Variants in PRSS12 observed in about 807,000 individuals in gnomAD.
PRSS12 encodes the protein neurotrypsin.
A neutral mutation model predicts 104.4 loss-of-function variants in PRSS12; 85 were observed. The ratio of observed to expected loss-of-function variants is 0.81; its 90% CI spans 0.68 to 0.98. The LOEUF (loss-of-function observed/expected upper bound fraction) is 0.98. PRSS12 is among the 50% of genes least tolerant of loss of function. PRSS12 has a pLI of 0.00. For synonymous variants in PRSS12, 454 were observed against 425.2 expected (o/e 1.07, Z -0.83); for missense variants, 1,141 against 1,139.2 (o/e 1.00, Z -0.02).
intron 1 of PRSS12, among the ~76,000 whole-genome samples, chr4:118,351,919 G>A (rs1225081292): frequency 6.6e-6 from 1 of 151,500 alleles, no homozygotes; most frequent in African/African-American, 2.4e-5. Flanking sequence ...CCCAATACAC[G>A]AGCGCACACA....
intron 2 of PRSS12, among the ~76,000 whole-genome samples, chr4:118,336,964 T>C (rs1045908744): frequency 2.6e-5 from 4 of 152,230 alleles, no homozygotes; most frequent in Admixed American, 2.6e-4. Flanking sequence ...CATAACACTT[T>C]ATAGGCTCTG....
Position 118,335,634 on chromosome 4 carries a change from T to G in PRSS12, c.659A>C (p.Lys220Thr). The G allele has an allele frequency of 6.2e-7, 1 of 1,613,996 alleles. No individual in the cohort carries two copies. The highest frequency in any genetic ancestry group is 8.5e-7 in the Non-Finnish European group (1 of 1,179,918). Reference sequence around the variant, plus strand: ...GCCCAGTCCAGAAAACGGGGTTTGTTTTGCTATTCCTTTTCCTCTGGAAGT... The same window carrying G: ...GCCCAGTCCAGAAAACGGGGTTTGTGTTGCTATTCCTTTTCCTCTGGAAGT... Reference protein sequence around the residue: ...QLQLGGKGIAKQTPFSGLGLI... With the variant: ...QLQLGGKGIATQTPFSGLGLI... The change falls in exon 3 of 13, where the codon AAA (lysine) becomes ACA (threonine). Residue 220 changes from lysine (K) to threonine (T), a missense_variant. Coordinates refer to ENST00000296498, the MANE Select transcript of PRSS12 (RefSeq NM_003619.4).
At chr4:118,327,226 C>T (rs186670702) in intron 4 of PRSS12, among the ~76,000 whole-genome samples, 158 of 152,234 alleles carry the variant, frequency 1.0e-3, no homozygotes, top group African/African-American at 3.5e-3. Flanking sequence ...GCAACTGCAA[C>T]TCCCTGTAGC....
In PRSS12 at chr4:118,352,629, T is replaced by C; in HGVS notation, c.92A>G (p.His31Arg). 8 of 1,612,108 alleles carry C rather than the reference T, an allele frequency of 5.0e-6. No individual in the cohort carries two copies. The highest frequency in any genetic ancestry group is 6.8e-6 in the Non-Finnish European group (8 of 1,179,256). ...FDSVLNDSLH[H>R]SHRHSPPAGP... Reference sequence around the variant, plus strand: ...CGCAGGGGGCGAATGGCGGTGGCTGTGGTGGAGGGAATCATTGAGGACAGA... The same window carrying C: ...CGCAGGGGGCGAATGGCGGTGGCTGCGGTGGAGGGAATCATTGAGGACAGA... The change falls in exon 1 of 13, where the codon CAC (histidine) becomes CGC (arginine). Residue 31 changes from histidine to arginine, a missense_variant. Coordinates refer to ENST00000296498, the MANE Select transcript of PRSS12 (RefSeq NM_003619.4).
At chr4:118,309,505 A>G (rs1389700013) in intron 7 of PRSS12, among the ~76,000 whole-genome samples, 3 of 152,246 alleles carry the variant, frequency 2.0e-5, no homozygotes, top group African/African-American at 7.2e-5. Context: ...CTTCCCTCAC[A>G]GTTCTTTCTG....
At chr4:118,341,929 A>G (rs1241423160) in intron 1 of PRSS12, among the ~76,000 whole-genome samples, 2 of 152,178 alleles carry the variant, frequency 1.3e-5, no homozygotes, top group Non-Finnish European at 2.9e-5. Context: ...TCACCATCCT[A>G]CTGAAAATAC....
At chr4:118,285,005 C>T (rs1742983328) in intron 11 of PRSS12, among the ~76,000 whole-genome samples, 1 of 152,104 alleles carries the variant, frequency 6.6e-6, no homozygotes, top group African/African-American at 2.4e-5. Flanking sequence ...TATAAAATTA[C>T]TGGAGGTTAT....
intron 11 of PRSS12, among the ~76,000 whole-genome samples, chr4:118,287,539 G>A (rs995963745): frequency 4.6e-5 from 7 of 152,120 alleles, no homozygotes; most frequent in Admixed American, 1.3e-4. Context: ...ATTATTCTTA[G>A]AATATATTTT....
chr4:118,321,056 A>G (rs187499957), intron 4 of PRSS12, among the ~76,000 whole-genome samples: 3 of 152,316 alleles, frequency 2.0e-5, no homozygotes, highest in Non-Finnish European at 4.4e-5. Context: ...TTAAAGACTA[A>G]TATCTAGAAC....
intron 9 of PRSS12, among the ~76,000 whole-genome samples, chr4:118,296,568 G>T (rs1743260111): frequency 6.6e-6 from 1 of 152,130 alleles, no homozygotes; most frequent in Non-Finnish European, 1.5e-5. Context: ...TTTATATAGA[G>T]GTACTTTGTT....
At chr4:118,307,679 T>C (rs1743590591) in intron 8 of PRSS12, among the ~76,000 whole-genome samples, 2 of 152,318 alleles carry the variant, frequency 1.3e-5, no homozygotes, top group South Asian at 4.1e-4. Flanking sequence ...CCTTCTTTTT[T>C]GCTCCTCTCA....
chr4:118,321,598 T>C lies in PRSS12; in HGVS notation c.972-3042A>G, dbSNP rs538349333. ...AAAGTAGGAGCTCAATAAATGCTGGTTCCCTTCCCTCTTCTGGCACGTTAA... is the reference window on the plus strand; with the variant it reads ...AAAGTAGGAGCTCAATAAATGCTGGCTCCCTTCCCTCTTCTGGCACGTTAA... On this transcript the variant is annotated intron_variant, in intron 4 of 12. Transcript: ENST00000296498. Among the ~76,000 whole-genome samples, 41 of 152,328 alleles carry C rather than the reference T, an allele frequency of 2.7e-4. No homozygotes were observed. In the South Asian group the frequency reaches 7.7e-3, roughly 28 times the overall value.
chr4:118,316,213 T>C lies in PRSS12; in HGVS notation c.1261A>G (p.Thr421Ala). The C allele has an allele frequency of 6.2e-7, 1 of 1,614,082 alleles. No individual in the cohort carries two copies. The highest frequency in any genetic ancestry group is 1.1e-5 in the South Asian group (1 of 91,082). ...CCCAATTGTCGACAAACCACGTATGTATTCAGCTCAGTCCAGCCATCATCA... is the reference window on the plus strand; with the variant it reads ...CCCAATTGTCGACAAACCACGTATGCATTCAGCTCAGTCCAGCCATCATCA... ...VCDDGWTELNTYVVCRQLGFK... is the reference protein window; with the variant it reads ...VCDDGWTELNAYVVCRQLGFK... Residue 421 changes from threonine to alanine, a missense_variant, in exon 6 of 13, where the codon ACA becomes GCA. Physicochemically the swap from Thr to Ala is moderately conservative, Grantham distance 58. Coordinates refer to ENST00000296498, the MANE Select transcript of PRSS12 (RefSeq NM_003619.4).
intron 2 of PRSS12, among the ~76,000 whole-genome samples, chr4:118,336,138 A>G (rs1578935723): frequency 6.6e-6 from 1 of 152,208 alleles, no homozygotes; most frequent in South Asian, 2.1e-4. Context: ...CAAAATTATT[A>G]TTACTACATC....
chr4:118,291,454 G>A (rs1021676405), intron 11 of PRSS12, among the ~76,000 whole-genome samples: 4 of 152,044 alleles, frequency 2.6e-5, no homozygotes, highest in Non-Finnish European at 4.4e-5. Flanking sequence ...AACTGTCCTC[G>A]TGTCAAAGAA....
intron 8 of PRSS12, among the ~76,000 whole-genome samples, chr4:118,301,066 C>T (rs1213339827): frequency 6.6e-6 from 1 of 151,534 alleles, no homozygotes. Flanking sequence ...TTATTTATTG[C>T]ATTTTTTAAA....
intron 1 of PRSS12, among the ~76,000 whole-genome samples, chr4:118,343,140 G>A (rs545951062): frequency 6.6e-6 from 1 of 152,208 alleles, no homozygotes; most frequent in Non-Finnish European, 1.5e-5. Flanking sequence ...TGTAATCCCA[G>A]CACTTTGGGA....
At chr4:118,284,274 A>G (rs1178026333) in intron 11 of PRSS12, among the ~76,000 whole-genome samples, 3 of 152,214 alleles carry the variant, frequency 2.0e-5, no homozygotes, top group Non-Finnish European at 4.4e-5. Flanking sequence ...GTCTCCAGAC[A>G]TAGTCACGTG....
intron 9 of PRSS12, among the ~76,000 whole-genome samples, chr4:118,296,307 C>T (rs1743253506): frequency 6.6e-6 from 1 of 152,166 alleles, no homozygotes; most frequent in Non-Finnish European, 1.5e-5. Context: ...AAAGCACATT[C>T]CCAGGCTAGA....
Sources: allele counts gnomAD v4.1 joint callset (sites outside exome capture counted in the v4.1 genomes callset), GRCh38; gene constraint gnomAD v4.1.1; transcripts MANE v1.5; gene names NCBI Gene and HGNC (gene_info 2026-07-23, HGNC 2026-07-21).